ATP9B: variants seen among roughly 807,000 people sequenced by gnomAD.
ATP9B encodes the protein probable phospholipid-transporting ATPase IIB.
ATP9B carries 110 observed loss-of-function variants against 146.1 expected under a neutral mutation model. The observed-to-expected ratio is 0.75, with a 90% confidence interval of 0.65 to 0.88. ATP9B has a LOEUF of 0.88. Among genes scored for constraint, ATP9B ranks in the 40% least tolerant of loss-of-function variants. The pLI, the probability that ATP9B is intolerant of heterozygous loss-of-function variation, is 0.00. For missense variants in ATP9B, 1,499 were observed against 1,496.4 expected (o/e 1.00, Z -0.03); for synonymous variants, 604 against 569.7 (o/e 1.06, Z -0.86).
chr18:79,235,685 T>A (rs1045937503), intron 11 of ATP9B, among the ~76,000 whole-genome samples: 6 of 151,608 alleles, frequency 4.0e-5, no homozygotes, highest in African/African-American at 1.2e-4. Flanking sequence ...GAGTGTCCCC[T>A]CCTCACCAAG....
intron 29 of ATP9B, chr18:79,376,347 C>T (rs1198263956): frequency 1.0e-6 from 1 of 985,192 alleles, no homozygotes; most frequent in Non-Finnish European, 1.2e-6. Flanking sequence ...GAGTGTTGTC[C>T]ACCCATTCAG....
chr18:79,135,704 C>T (rs1440674659), intron 5 of ATP9B, among the ~76,000 whole-genome samples: 3 of 152,186 alleles, frequency 2.0e-5, no homozygotes, highest in Non-Finnish European at 4.4e-5. Flanking sequence ...TCTAAGAACT[C>T]TTTTCCTAAC....
intron 26 of ATP9B, chr18:79,372,386 G>A (rs1347856094): frequency 5.9e-6 from 2 of 338,398 alleles, no homozygotes; most frequent in Admixed American, 7.5e-5. Context: ...GTTGAGATGT[G>A]CCATCCTTAC....
chr18:79,328,470 C>G (rs1394373728), intron 15 of ATP9B, among the ~76,000 whole-genome samples: 3 of 152,182 alleles, frequency 2.0e-5, no homozygotes, highest in East Asian at 1.9e-4. Flanking sequence ...CAGAGAATCA[C>G]TCATGTTATT....
chr18:79,137,632 C>T (rs542248559), intron 5 of ATP9B, among the ~76,000 whole-genome samples: 50 of 152,302 alleles, frequency 3.3e-4, no homozygotes, highest in African/African-American at 1.1e-3. Context: ...TTTCTGGACA[C>T]TCAGTTTTTC....
At chr18:79,145,378 C>G (rs1316406735) in intron 6 of ATP9B, 267 of 68,100 alleles carry the variant, frequency 3.9e-3, no homozygotes, top group South Asian at 7.1e-3. Context: ...TGGCGGTGTG[C>G]AGAGTGACTG....
At chr18:79,346,473 T>C (rs1368705877) in intron 23 of ATP9B, among the ~76,000 whole-genome samples, 1 of 141,788 alleles carries the variant, frequency 7.1e-6, no homozygotes, top group Non-Finnish European at 1.5e-5. Context: ...GGCACACATT[T>C]AGCACACTAC....
intron 7 of ATP9B, among the ~76,000 whole-genome samples, chr18:79,160,754 G>GTT (rs1555716821): frequency 4.6e-5 from 7 of 151,832 alleles, no homozygotes; most frequent in Non-Finnish European, 1.0e-4. Context: ...GGGTTTGTTT[G>GTT]TGTTTGTTTG....
chr18:79,204,073 A>G (rs1600448054), intron 9 of ATP9B, among the ~76,000 whole-genome samples: 1 of 152,326 alleles, frequency 6.6e-6, no homozygotes, highest in Admixed American at 6.5e-5. Context: ...AGTCATAGGG[A>G]TAACTCAGTT....
rs779923776 is a variant in ATP9B at position 79,207,059 on chromosome 18, A to T, written c.1030+47A>T. The T allele has an allele frequency of 3.8e-6, 6 of 1,568,044 alleles. No individual in the cohort carries two copies. The South Asian group carries it at 6.7e-5, about 17-fold the overall frequency. On this transcript the variant is annotated intron_variant, in intron 10 of 29. Transcript: ENST00000426216. ...GAGTGTGATTGCTCCCGGATAGATGATGCTTTGTTTTGTCCAGGGACTCCA... is the reference window on the plus strand; with the variant it reads ...GAGTGTGATTGCTCCCGGATAGATGTTGCTTTGTTTTGTCCAGGGACTCCA...
At chr18:79,073,341 T>C (rs574465556) in intron 1 of ATP9B, among the ~76,000 whole-genome samples, 2 of 152,094 alleles carry the variant, frequency 1.3e-5, no homozygotes, top group Non-Finnish European at 1.5e-5. Context: ...TGGGCAACAT[T>C]GAGCACTGAG....
At chr18:79,287,750 A>G (rs2146028409) in intron 13 of ATP9B, among the ~76,000 whole-genome samples, 1 of 152,060 alleles carries the variant, frequency 6.6e-6, no homozygotes, top group Non-Finnish European at 1.5e-5. Flanking sequence ...TCTTGTGGGC[A>G]TTTAGTGCTA....
chr18:79,157,416 A>AAAC (rs1555714849), intron 7 of ATP9B, among the ~76,000 whole-genome samples: 4 of 130,682 alleles, frequency 3.1e-5, no homozygotes, highest in African/African-American at 1.1e-4. Flanking sequence ...AAAAAAAAAA[A>AAAC]AAAAAAAACA....
At chr18:79,098,092 ACAACT>A (rs58587990) in intron 2 of ATP9B, among the ~76,000 whole-genome samples, 31,287 of 151,102 alleles carry the variant, frequency 0.21, 3,531 homozygotes, top group East Asian at 0.49. Flanking sequence ...CCACATACCT[ACAACT>A]ATCTGATCTT....
At chr18:79,200,573 G>A (rs1353877789) in intron 9 of ATP9B, among the ~76,000 whole-genome samples, 1 of 152,178 alleles carries the variant, frequency 6.6e-6, no homozygotes, top group African/African-American at 2.4e-5. Flanking sequence ...GAAAAAAAAG[G>A]CAACTCATAA....
chr18:79,158,230 CT>C (rs137927752), intron 7 of ATP9B, among the ~76,000 whole-genome samples: 10,024 of 152,010 alleles, frequency 0.066, 403 homozygotes, highest in Non-Finnish European at 0.096. Flanking sequence ...CTTGTGATAT[CT>C]TCTTTGATTC....
intron 1 of ATP9B, chr18:79,085,837 T>C (rs2073770768): frequency 6.6e-6 from 1 of 152,194 alleles, no homozygotes; most frequent in African/African-American, 2.4e-5. Flanking sequence ...ATGTCTACTG[T>C]CTGATTATTG....
intron 2 of ATP9B, among the ~76,000 whole-genome samples, chr18:79,102,911 T>G (rs981236050): frequency 6.6e-6 from 1 of 152,250 alleles, no homozygotes; most frequent in Non-Finnish European, 1.5e-5. Context: ...ATTTTAAATT[T>G]TGGATTCCAC....
chr18:79,248,999 G>A (rs1209800855), intron 11 of ATP9B, among the ~76,000 whole-genome samples: 2 of 151,812 alleles, frequency 1.3e-5, no homozygotes, highest in Non-Finnish European at 2.9e-5. Context: ...AGTATGATGT[G>A]AGTTTTAATT....
Sources: allele counts gnomAD v4.1 joint callset (sites outside exome capture counted in the v4.1 genomes callset), GRCh38; gene constraint gnomAD v4.1.1; transcripts MANE v1.5; gene names NCBI Gene and HGNC (gene_info 2026-07-23, HGNC 2026-07-21).